Variants in OCA2 observed in about 807,000 individuals in gnomAD.
The protein encoded by OCA2 is P protein.
A neutral mutation model predicts 100.2 loss-of-function variants in OCA2; 77 were observed. The observed-to-expected ratio is 0.77, with a 90% CI of 0.64 to 0.93. The LOEUF is 0.93. Among genes scored for constraint, OCA2 ranks in the 40% least tolerant of loss-of-function variants. The pLI, the probability that OCA2 is intolerant of heterozygous loss-of-function variation, is 0.00. For synonymous variants in OCA2, 432 were observed against 439.2 expected (o/e 0.98, Z 0.21); for missense variants, 1,062 against 1,089.1 (o/e 0.98, Z 0.35).
chr15:27,784,152 G>T (rs112142529), intron 23 of OCA2, among the ~76,000 whole-genome samples: 1 of 152,218 alleles, frequency 6.6e-6, no homozygotes, highest in Non-Finnish European at 1.5e-5. Flanking sequence ...TAGGGTGAAC[G>T]GCAGGAGCAT....
chr15:27,756,517 G>T (rs1165761783), intron 23 of OCA2, among the ~76,000 whole-genome samples: 2 of 152,284 alleles, frequency 1.3e-5, no homozygotes, highest in Admixed American at 6.5e-5. Context: ...AACATATTTT[G>T]GGAAAACTAC....
At chr15:27,848,021 C>T (rs566952762) in intron 22 of OCA2, among the ~76,000 whole-genome samples, 14 of 152,354 alleles carry the variant, frequency 9.2e-5, no homozygotes, top group Middle Eastern at 3.4e-3. Context: ...CTCCTCACCA[C>T]GCATCCAGAC....
At chr15:27,783,238 G>C (rs1002115915) in intron 23 of OCA2, among the ~76,000 whole-genome samples, 7 of 152,196 alleles carry the variant, frequency 4.6e-5, no homozygotes, top group African/African-American at 1.7e-4. Context: ...TAAAGCACCT[G>C]TGAAGGTGAA....
At chr15:27,749,931 T>C (rs1343149729), downstream of OCA2, among the ~76,000 whole-genome samples, 2 of 152,260 alleles carry the variant, frequency 1.3e-5, no homozygotes, top group African/African-American at 4.8e-5. Context: ...ATAAGTTTAG[T>C]GTGATTTCTA....
chr15:27,877,410 A>G (rs1191585295), intron 19 of OCA2, among the ~76,000 whole-genome samples: 1 of 151,844 alleles, frequency 6.6e-6, no homozygotes, highest in Non-Finnish European at 1.5e-5. Context: ...TGTTCTATCA[A>G]TTTCTGAAGA....
chr15:27,903,767 T>A (rs1176675512), intron 19 of OCA2, among the ~76,000 whole-genome samples: 2 of 152,238 alleles, frequency 1.3e-5, no homozygotes, highest in Non-Finnish European at 2.9e-5. Context: ...CCTGGCTCAC[T>A]CTTGTGCTCA....
At chr15:27,876,292 T>G (rs753968743) in intron 19 of OCA2, among the ~76,000 whole-genome samples, 6 of 152,234 alleles carry the variant, frequency 3.9e-5, no homozygotes, top group South Asian at 2.1e-4. Context: ...TAAATCAACC[T>G]TGGATTTCTG....
intron 23 of OCA2, among the ~76,000 whole-genome samples, chr15:27,766,490 C>A (rs2151012695): frequency 6.6e-6 from 1 of 152,242 alleles, no homozygotes; most frequent in Admixed American, 6.5e-5. Context: ...TGAGTTGGAA[C>A]CTGTGTCCTG....
At chr15:28,021,748 C>G (rs1280270196) in intron 6 of OCA2, among the ~76,000 whole-genome samples, 3 of 152,126 alleles carry the variant, frequency 2.0e-5, no homozygotes, top group African/African-American at 7.2e-5. Context: ...GCTTGGGAAG[C>G]GCATCTAATC....
intron 21 of OCA2, among the ~76,000 whole-genome samples, chr15:27,864,642 G>A (rs1238319069): frequency 4.6e-5 from 7 of 152,116 alleles, no homozygotes; most frequent in Admixed American, 4.6e-4. Flanking sequence ...TGACAGCATA[G>A]ATAATGATGA....
Position 27,794,048 on chromosome 15 carries a change from G to A in OCA2, c.2433-38576C>T, listed in dbSNP as rs1050164479. 4.1e-4 allele frequency among the ~76,000 whole-genome samples: 63 copies of A among 152,340 alleles called. 1 individual carries two copies. Among genetic ancestry groups the A allele is most frequent in the African/African-American group, 1.5e-3 (62 of 41,590 alleles). On this transcript the variant is annotated intron_variant, in intron 23 of 23. Transcript: ENST00000354638. Reference sequence around the variant, plus strand: ...CCTACAGAAAATTCTCTCTAGAGAAGATCTTTTCTTAGTAAGTCACATTCA... The same window carrying A: ...CCTACAGAAAATTCTCTCTAGAGAAAATCTTTTCTTAGTAAGTCACATTCA...
intron 21 of OCA2, among the ~76,000 whole-genome samples, chr15:27,858,121 C>A (rs1260187967): frequency 6.6e-6 from 1 of 151,922 alleles, no homozygotes; most frequent in African/African-American, 2.4e-5. Flanking sequence ...TCAGAAATTA[C>A]ACTAATTGTA....
rs764104457 is a variant in OCA2, at chr15:28,032,089, A to G, written c.302T>C (p.Leu101Pro). The part of the protein sequence containing the change: ...DSCFTENTPL[L>P]RNSLQEKGSR... Reference sequence around the variant, plus strand: ...CCCTTTCTCCTGTAAGGAATTCCTCAGCAAAGGAGTGTTTTCTGTAAAGCA... The same window carrying G: ...CCCTTTCTCCTGTAAGGAATTCCTCGGCAAAGGAGTGTTTTCTGTAAAGCA... The change falls in exon 3 of 24, where the codon CTG becomes CCG. Residue 101 changes from leucine (L) to proline (P), a missense_variant. By Grantham distance (98) the Leu-to-Pro change is moderately conservative (BLOSUM62 -3). Transcript: ENST00000354638. The G allele has an allele frequency of 2.5e-6, 4 of 1,613,916 alleles. No homozygotes were observed. Among genetic ancestry groups the G allele is most frequent in the Non-Finnish European group, 3.4e-6 (4 of 1,179,752 alleles).
chr15:27,770,763 T>C (rs760678389), intron 23 of OCA2, among the ~76,000 whole-genome samples: 63 of 68,802 alleles, frequency 9.2e-4, no homozygotes, highest in Non-Finnish European at 2.0e-3. Flanking sequence ...CCTTCCTCTC[T>C]CCCTCCCTCC....
At chr15:27,906,205 T>C (rs2044627) in intron 19 of OCA2, among the ~76,000 whole-genome samples, 58,803 of 152,028 alleles carry the variant, frequency 0.39, 11,510 homozygotes, top group Middle Eastern at 0.54. Context: ...CAAGTAACAA[T>C]AAATGTTTGA....
In OCA2 at chr15:27,811,720, G is replaced by A. The variant is rs983947337; in HGVS notation, c.2432+33239C>T. ...TCTGGGGTTGGCAGTGTCCATGTGCGTTTGCCCCTGTACCTCGGTCTGGCT... is the reference window on the plus strand; with the variant it reads ...TCTGGGGTTGGCAGTGTCCATGTGCATTTGCCCCTGTACCTCGGTCTGGCT... On this transcript the variant is annotated intron_variant, in intron 23 of 23. Transcript: ENST00000354638. Among the ~76,000 whole-genome samples, 4 of 152,188 alleles carry A rather than the reference G, an allele frequency of 2.6e-5. No homozygotes were observed. In the East Asian group the frequency reaches 7.7e-4, roughly 29 times the overall value.
chr15:27,750,958 C>A (rs1205256342), downstream of OCA2, among the ~76,000 whole-genome samples: 2 of 152,150 alleles, frequency 1.3e-5, no homozygotes, highest in Non-Finnish European at 2.9e-5. Context: ...TTCCTAGCCT[C>A]ACAGGTCATT....
chr15:27,854,179 C>A (rs981121875), intron 21 of OCA2, among the ~76,000 whole-genome samples: 2 of 152,234 alleles, frequency 1.3e-5, no homozygotes, highest in Admixed American at 6.5e-5. Context: ...TGTGTTTCTG[C>A]ATGCCCCTCT....
At chr15:27,724,271 G>A in the OCA2 span, among the ~76,000 whole-genome samples, 1 of 152,208 alleles carries the variant, frequency 6.6e-6, no homozygotes, top group Non-Finnish European at 1.5e-5. Context: ...GGTGTCGGCA[G>A]AGGTGGTTCC....
Sources: gnomAD v4.1 joint callset for allele counts (sites outside exome capture counted in the v4.1 genomes callset) on GRCh38, gnomAD v4.1.1 for gene constraint, MANE v1.5 for transcripts, NCBI Gene and HGNC (gene_info 2026-07-23, HGNC 2026-07-21) for gene names.